GRID1: variants seen among roughly 807,000 people sequenced by gnomAD.
The protein encoded by GRID1 is glutamate receptor ionotropic, delta-1.
A neutral mutation model predicts 98.0 loss-of-function variants in GRID1; 28 were observed. The ratio of observed to expected loss-of-function variants is 0.29; its 90% CI spans 0.21 to 0.39. The LOEUF (loss-of-function observed/expected upper bound fraction) is 0.39, where lower values mean the gene tolerates loss of function less well. Ranked by LOEUF, GRID1 falls within the 10% of genes least tolerant of loss-of-function variation. GRID1 has a pLI of 1.00. For synonymous variants in GRID1, 553 were observed against 538.5 expected (o/e 1.03, Z -0.37); for missense variants, 1,111 against 1,340.5 (o/e 0.83, Z 2.67).
Position 85,620,041 on chromosome 10 carries a change from A to T in GRID1, c.2194-8T>A. 6.2e-7 allele frequency: 1 copy of T among 1,612,674 alleles called. No individual in the cohort carries two copies. The highest frequency in any genetic ancestry group is 8.5e-7 in the Non-Finnish European group (1 of 1,178,780). ...GTAGTTCCCCTTCTTTGCCTGAAAG[A>T]TCAAAATTACCATGAAGTCAGGCAG... is the stretch of plus-strand genomic sequence containing the variant. On this transcript the variant is annotated splice_polypyrimidine_tract_variant and splice_region_variant and intron_variant, in intron 13 of 15. Coordinates refer to ENST00000327946, the MANE Select transcript of GRID1 (RefSeq NM_017551.3).
rs894454125 is a variant in GRID1, at chr10:85,819,974, G to A, written c.1233+34522C>T. 1.5e-4 allele frequency among the ~76,000 whole-genome samples: 7 copies of A among 47,526 alleles called. No homozygotes were observed. In the Admixed American group the frequency reaches 1.5e-3, roughly 10 times the overall value. The allele number at this position is 47,526 out of a possible 152,430, so 31.2% of individuals were successfully genotyped here. ...GGAAGGGAGAGAAAGAGAGAGGAAG[G>A]AAGGAAGGAAGGAAGGAAGGAAGGA... On this transcript the variant is annotated intron_variant, in intron 8 of 15. Coordinates refer to ENST00000327946, the MANE Select transcript of GRID1 (RefSeq NM_017551.3).
At chr10:85,978,927 G>A (rs1842508526) in intron 4 of GRID1, among the ~76,000 whole-genome samples, 1 of 152,178 alleles carries the variant, frequency 6.6e-6, no homozygotes, top group South Asian at 2.1e-4. Flanking sequence ...TTGGGGCTCA[G>A]AAAGCATAAG....
At chr10:85,762,552 A>G (rs963610312) in intron 8 of GRID1, among the ~76,000 whole-genome samples, 18 of 152,062 alleles carry the variant, frequency 1.2e-4, no homozygotes, top group African/African-American at 4.3e-4. Flanking sequence ...GTCTGCCCCA[A>G]TGTGGGAACT....
chr10:85,877,438 G>A (rs1050065527), intron 5 of GRID1, among the ~76,000 whole-genome samples: 5 of 152,216 alleles, frequency 3.3e-5, no homozygotes, highest in African/African-American at 4.8e-5. Context: ...CAGCATTTGC[G>A]GGTCACCAAA....
At chr10:85,866,676 C>G (rs1843224886) in intron 6 of GRID1, among the ~76,000 whole-genome samples, 1 of 152,016 alleles carries the variant, frequency 6.6e-6, no homozygotes, top group Non-Finnish European at 1.5e-5. Context: ...CGTATGTTCT[C>G]CGATTTAATT....
intron 15 of GRID1, among the ~76,000 whole-genome samples, chr10:85,603,783 CA>C (rs1842616862): frequency 6.6e-6 from 1 of 152,148 alleles, no homozygotes. Context: ...TCCCTCACCT[CA>C]AACTCCTAGA....
chr10:85,903,206 A>AC (rs1841413695), intron 5 of GRID1, among the ~76,000 whole-genome samples: 1 of 152,184 alleles, frequency 6.6e-6, no homozygotes, highest in South Asian at 2.1e-4. Flanking sequence ...CTCAAAATTA[A>AC]CAGATTCAAA....
At chr10:86,239,990 A>C (rs1846601868) in intron 2 of GRID1, among the ~76,000 whole-genome samples, 1 of 152,174 alleles carries the variant, frequency 6.6e-6, no homozygotes, top group South Asian at 2.1e-4. Context: ...ACACAGGTAC[A>C]CACAGAGGGA....
intron 4 of GRID1, among the ~76,000 whole-genome samples, chr10:85,947,478 G>A (rs1842067841): frequency 6.6e-6 from 1 of 152,234 alleles, no homozygotes; most frequent in African/African-American, 2.4e-5. Flanking sequence ...AAGGCAGCCA[G>A]TTTTGGGAAT....
intron 12 of GRID1, among the ~76,000 whole-genome samples, chr10:85,696,520 C>T (rs901274117): frequency 3.9e-5 from 6 of 152,040 alleles, no homozygotes; most frequent in Non-Finnish European, 5.9e-5. Context: ...ATTAAATACA[C>T]CTAGACAGAG....
chr10:86,206,294 C>T lies in GRID1; in HGVS notation c.520+70G>A, dbSNP rs1446680528. The T allele has an allele frequency of 8.1e-6, 12 of 1,483,720 alleles. No homozygotes were observed. The highest frequency in any genetic ancestry group is 2.3e-5 in the East Asian group (1 of 43,770). The allele number at this position is 1,483,720 out of a possible 1,614,324, so 91.9% of individuals were successfully genotyped here. A position where few individuals can be genotyped will look rare whatever the true frequency, so the allele number is the denominator to read the frequency against. On this transcript the variant is annotated intron_variant, in intron 3 of 15. Coordinates refer to ENST00000327946, the MANE Select transcript of GRID1 (RefSeq NM_017551.3). The surrounding 1 kb of genome is among the most constrained non-coding windows in gnomAD (Gnocchi z 4.1). The stretch of plus-strand genomic sequence containing the variant: ...CCTGACCGGTCCAGGGCCCCACCCA[C>T]TCTCAGGTCTCCCAGCATCTGGCCA...
At chr10:86,132,846 C>CTT in intron 4 of GRID1, among the ~76,000 whole-genome samples, 1 of 152,222 alleles carries the variant, frequency 6.6e-6, no homozygotes, top group Non-Finnish European at 1.5e-5. Context: ...TCAAATTGAC[C>CTT]TCCAGGCACA....
intron 8 of GRID1, among the ~76,000 whole-genome samples, chr10:85,788,493 C>T (rs987940604): frequency 6.6e-6 from 1 of 152,212 alleles, no homozygotes; most frequent in Admixed American, 6.5e-5. Context: ...ACCAATGTGG[C>T]TGGCCCACAG....
At chr10:85,897,029 T>C (rs1009395951) in intron 5 of GRID1, among the ~76,000 whole-genome samples, 3 of 152,230 alleles carry the variant, frequency 2.0e-5, no homozygotes, top group Non-Finnish European at 4.4e-5. Context: ...AATGATACAT[T>C]ATTAATTGAA....
rs531984550 is a variant in GRID1 at position 85,600,949 on chromosome 10, G to T, written c.*1324C>A. ...CTCCAGGTCTGGTCTGGAGAGGGTC[G>T]TAAAGGTGGAAGGGAGAGTTTGTGC... On this transcript the variant is annotated 3_prime_UTR_variant, in exon 16 of 16. Coordinates refer to ENST00000327946, the MANE Select transcript of GRID1 (RefSeq NM_017551.3). 2 of 152,318 alleles carry T rather than the reference G, an allele frequency of 1.3e-5. No homozygotes were observed. Among genetic ancestry groups the T allele is most frequent in the African/African-American group, 2.4e-5 (1 of 41,422 alleles). The allele number at this position is 152,318 out of a possible 1,614,324, so 9.4% of individuals were successfully genotyped here.
intron 8 of GRID1, among the ~76,000 whole-genome samples, chr10:85,842,957 CA>C (rs1842973732): frequency 6.6e-6 from 1 of 150,618 alleles, no homozygotes; most frequent in Non-Finnish European, 1.5e-5. Flanking sequence ...AAAACAAAAA[CA>C]AAACAAAAAA....
At chr10:85,930,841 T>C (rs990302205) in intron 4 of GRID1, among the ~76,000 whole-genome samples, 3 of 152,132 alleles carry the variant, frequency 2.0e-5, no homozygotes, top group African/African-American at 7.2e-5. Flanking sequence ...TGGATGTTAC[T>C]TTTTCTATTT....
chr10:86,314,773 T>C (rs1023982032), intron 2 of GRID1, among the ~76,000 whole-genome samples: 1 of 152,194 alleles, frequency 6.6e-6, no homozygotes, highest in Non-Finnish European at 1.5e-5. Context: ...CCTAGCCCTC[T>C]AGGCAGGGCC....
chr10:85,623,026 A>G (rs982935390), intron 13 of GRID1, among the ~76,000 whole-genome samples: 1 of 152,164 alleles, frequency 6.6e-6, no homozygotes, highest in Non-Finnish European at 1.5e-5. Context: ...AGAAGCTCCA[A>G]TAGTGGCAGG....
Sources: gnomAD v4.1 joint callset for allele counts (sites outside exome capture counted in the v4.1 genomes callset) on GRCh38, gnomAD v4.1.1 for gene constraint, Gnocchi (gnomAD v3.1) non-coding constraint, MANE v1.5 for transcripts, NCBI Gene and HGNC (gene_info 2026-07-23, HGNC 2026-07-21) for gene names.